The following ADARB2 variants were observed in gnomAD, a reference collection of about 807,000 sequenced individuals.
ADARB2 encodes the protein adenosine deaminase RNA specific B2 (inactive), also known as inactive double-stranded RNA-specific editase B2.
Under a neutral mutation model 62.2 loss-of-function variants are expected in ADARB2, and 25 were observed. The observed-to-expected ratio is 0.40, with a 90% CI of 0.29 to 0.56. ADARB2 has a LOEUF of 0.56. Ranked by LOEUF, ADARB2 falls within the 20% of genes least tolerant of loss-of-function variation. The pLI is 0.43. For synonymous variants in ADARB2, 572 were observed against 500.8 expected (o/e 1.14, Z -1.90); for missense variants, 1,071 against 1,077.4 (o/e 0.99, Z 0.08).
rs532934293 is a variant in ADARB2, at chr10:1,627,973, C to T, written c.100+109078G>A. Among the ~76,000 whole-genome samples the T allele has an allele frequency of 1.1e-4, 17 of 152,296 alleles. No homozygotes were observed. In the East Asian group the frequency reaches 1.6e-3, roughly 14 times the overall value. On this transcript the variant is annotated intron_variant, in intron 1 of 9. Transcript: ENST00000381312. ...ACTCACACTGCAGACAGGTCTGCCCCGTCTGAAATCAGCTTGACCCTCCAT... is the reference window on the plus strand; with the variant it reads ...ACTCACACTGCAGACAGGTCTGCCCTGTCTGAAATCAGCTTGACCCTCCAT...
chr10:1,220,291 G>GTAA (rs1564225345), intron 6 of ADARB2, among the ~76,000 whole-genome samples: 10 of 112,188 alleles, frequency 8.9e-5, no homozygotes, highest in Middle Eastern at 4.9e-3. Context: ...GGTGATGGTG[G>GTAA]TGGTGATGGT....
At chr10:1,446,793 G>C (rs947021525) in intron 1 of ADARB2, among the ~76,000 whole-genome samples, 1 of 152,182 alleles carries the variant, frequency 6.6e-6, no homozygotes, top group African/African-American at 2.4e-5. Flanking sequence ...AGTGGACTTT[G>C]ATAAGTTTTG....
At chr10:1,438,770 CT>C (rs1457302259) in intron 1 of ADARB2, among the ~76,000 whole-genome samples, 10 of 149,844 alleles carry the variant, frequency 6.7e-5, no homozygotes, top group South Asian at 2.1e-4. Context: ...TCCTGAGTCT[CT>C]CCCAGGATGG....
intron 3 of ADARB2, among the ~76,000 whole-genome samples, chr10:1,362,122 T>TG (rs1267027501): frequency 6.6e-6 from 1 of 152,230 alleles, no homozygotes; most frequent in Non-Finnish European, 1.5e-5. Flanking sequence ...ATAAGGCCGG[T>TG]GCACACTGAC....
At chr10:1,368,082 G>C (rs1214833252) in intron 2 of ADARB2, among the ~76,000 whole-genome samples, 2 of 152,148 alleles carry the variant, frequency 1.3e-5, no homozygotes, top group Non-Finnish European at 2.9e-5. Flanking sequence ...TCCCTGACGT[G>C]GGAGCCCAGC....
chr10:1,576,167 G>A (rs1387401818), intron 1 of ADARB2, among the ~76,000 whole-genome samples: 3 of 60,334 alleles, frequency 5.0e-5, no homozygotes, highest in Non-Finnish European at 1.0e-4. Flanking sequence ...CAGGAGGGGG[G>A]TTCAGGGTCA....
chr10:1,643,066 C>T (rs1440492426), intron 1 of ADARB2, among the ~76,000 whole-genome samples: 1 of 152,226 alleles, frequency 6.6e-6, no homozygotes, highest in Admixed American at 6.5e-5. Context: ...CACACATCTC[C>T]ACTTTACACC....
chr10:1,401,851 A>G (rs1288204936), intron 1 of ADARB2, among the ~76,000 whole-genome samples: 1 of 152,148 alleles, frequency 6.6e-6, no homozygotes, highest in Non-Finnish European at 1.5e-5. Context: ...CCAAACACAA[A>G]CAGGTGCTAG....
chr10:1,521,576 A>G (rs1832074605), intron 1 of ADARB2, among the ~76,000 whole-genome samples: 1 of 152,192 alleles, frequency 6.6e-6, no homozygotes, highest in South Asian at 2.1e-4. Context: ...CTTAAGTCTG[A>G]TAAGAAACAT....
At chr10:1,459,604 A>T (rs915818421) in intron 1 of ADARB2, among the ~76,000 whole-genome samples, 6 of 152,210 alleles carry the variant, frequency 3.9e-5, no homozygotes, top group African/African-American at 1.4e-4. Flanking sequence ...TCTCTACTAA[A>T]AATACAAAAT....
rs116564198 is a variant in ADARB2 at position 1,610,678 on chromosome 10, C to T, written c.100+126373G>A. Among the ~76,000 whole-genome samples the T allele has an allele frequency of 4.9e-3, 743 of 152,168 alleles. 6 individuals carry two copies. The highest frequency in any genetic ancestry group is 0.017 in the African/African-American group (706 of 41,514). Reference sequence around the variant, plus strand: ...ATCCGGGGTCTTTTAGTTTGTGTCCCGGCATTTCACAAGGTCATAAGGCCA... The same window carrying T: ...ATCCGGGGTCTTTTAGTTTGTGTCCTGGCATTTCACAAGGTCATAAGGCCA... On this transcript the variant is annotated intron_variant, in intron 1 of 9. Coordinates refer to ENST00000381312, the MANE Select transcript of ADARB2 (RefSeq NM_018702.4).
intron 7 of ADARB2, among the ~76,000 whole-genome samples, chr10:1,204,450 A>G (rs940008532): frequency 1.3e-5 from 2 of 152,256 alleles, no homozygotes; most frequent in African/African-American, 2.4e-5. Context: ...AACTGGTTAC[A>G]TAAATGATGG....
chr10:1,720,256 G>A (rs1332004394), intron 1 of ADARB2, among the ~76,000 whole-genome samples: 1 of 152,176 alleles, frequency 6.6e-6, no homozygotes, highest in African/African-American at 2.4e-5. Flanking sequence ...CTGTTACCCT[G>A]AGAAAATTAA....
intron 1 of ADARB2, among the ~76,000 whole-genome samples, chr10:1,647,402 C>T (rs556797055): frequency 4.9e-5 from 7 of 143,926 alleles, no homozygotes; most frequent in African/African-American, 1.5e-4. Context: ...CATGTGCATA[C>T]ATGTGTGTGC....
intron 7 of ADARB2, among the ~76,000 whole-genome samples, chr10:1,213,605 G>C (rs1837190770): frequency 6.6e-6 from 1 of 152,220 alleles, no homozygotes; most frequent in Non-Finnish European, 1.5e-5. Context: ...CAGGTGCTTA[G>C]GATTAATTCC....
chr10:1,717,036 ATTATTCTGATCACAAG>A (rs1442919409), intron 1 of ADARB2, among the ~76,000 whole-genome samples: 18 of 118,506 alleles, frequency 1.5e-4, no homozygotes, highest in African/African-American at 2.7e-4. Context: ...TTCTGATCAC[ATTATTCTGATCACAAG>A]TTATTCTGAT....
In ADARB2 at chr10:1,532,001, G is replaced by C. The variant is rs531927501; in HGVS notation, c.101-152841C>G. Among the ~76,000 whole-genome samples, 152 of 152,206 alleles carry C rather than the reference G, an allele frequency of 1.0e-3. 1 individual carries two copies. The highest frequency in any genetic ancestry group is 7.2e-4 in the Non-Finnish European group (49 of 68,020). On this transcript the variant is annotated intron_variant, in intron 1 of 9. Coordinates refer to ENST00000381312, the MANE Select transcript of ADARB2 (RefSeq NM_018702.4). ...AAAAAAACACCATCCGGTATTGTAG[G>C]CTGCAAACTTACATCAAATAGTTTC...
chr10:1,362,416 C>A (rs764828075), intron 3 of ADARB2, among the ~76,000 whole-genome samples: 7 of 152,234 alleles, frequency 4.6e-5, no homozygotes, highest in Non-Finnish European at 7.3e-5. Context: ...CACCTCCAAC[C>A]GGTAACGCCC....
At chr10:1,282,475 A>T (rs1020048151) in intron 3 of ADARB2, among the ~76,000 whole-genome samples, 1 of 152,244 alleles carries the variant, frequency 6.6e-6, no homozygotes, top group Non-Finnish European at 1.5e-5. Context: ...GAATTACTGT[A>T]TGTAAATGAT....
Sources: gnomAD v4.1 joint callset for allele counts (sites outside exome capture counted in the v4.1 genomes callset) on GRCh38, gnomAD v4.1.1 for gene constraint, MANE v1.5 for transcripts, NCBI Gene and HGNC (gene_info 2026-07-23, HGNC 2026-07-21) for gene names.